Variants in SNX24 observed in about 807,000 individuals in gnomAD.
The protein encoded by SNX24 is sorting nexin 24.
In SNX24, 22 loss-of-function variants were observed where a neutral mutation model predicts 28.7. The observed-to-expected ratio is 0.77, with a 90% CI of 0.55 to 1.10. The LOEUF (loss-of-function observed/expected upper bound fraction) is 1.10. SNX24 is among the 50% of genes least tolerant of loss of function. The probability of loss-of-function intolerance (pLI) is 0.00; values close to 1 mark genes in which losing one functional copy is unlikely to be tolerated. For synonymous variants in SNX24, 69 were observed against 71.5 expected, an observed-to-expected ratio of 0.96 and a Z score of 0.18; for missense variants, 221 against 201.1, an observed-to-expected ratio of 1.10 and a Z score of -0.60.
At chr5:122,978,940 A>G (rs426877) in intron 3 of SNX24, among the ~76,000 whole-genome samples, 33,897 of 152,218 alleles carry the variant, frequency 0.22, 4,825 homozygotes, top group Non-Finnish European at 0.33. Flanking sequence ...TTTGGGAACT[A>G]CTGCCTTGAA....
intron 1 of SNX24, among the ~76,000 whole-genome samples, chr5:122,876,920 T>C (rs1203071024): frequency 6.6e-6 from 1 of 152,120 alleles, no homozygotes; most frequent in Non-Finnish European, 1.5e-5. Flanking sequence ...TCATGGACGA[T>C]AGAAAGGGAG....
intron 1 of SNX24, among the ~76,000 whole-genome samples, chr5:122,889,606 TAC>T (rs1311314686): frequency 1.0e-5 from 1 of 100,070 alleles, no homozygotes; most frequent in Non-Finnish European, 1.9e-5. Context: ...TATATATATA[TAC>T]ACACATATAT....
chr5:122,952,578 A>G (rs1208474183), intron 3 of SNX24, among the ~76,000 whole-genome samples: 2 of 152,364 alleles, frequency 1.3e-5, no homozygotes, highest in South Asian at 2.1e-4. Context: ...TACTTTCTTC[A>G]GTGTGATCTG....
intron 3 of SNX24, among the ~76,000 whole-genome samples, chr5:122,952,439 C>A (rs965899951): frequency 6.6e-6 from 1 of 152,176 alleles, no homozygotes; most frequent in Non-Finnish European, 1.5e-5. Flanking sequence ...CAACCCCCTT[C>A]GCACTCACCC....
chr5:122,883,858 A>C (rs139332932), intron 1 of SNX24, among the ~76,000 whole-genome samples: 1 of 151,624 alleles, frequency 6.6e-6, no homozygotes, highest in African/African-American at 2.4e-5. Context: ...TTCTCAATCT[A>C]TTGCCCAGCT....
At chr5:123,003,082 A>T (rs1185339251) in intron 6 of SNX24, among the ~76,000 whole-genome samples, 1 of 152,168 alleles carries the variant, frequency 6.6e-6, no homozygotes, top group Non-Finnish European at 1.5e-5. Flanking sequence ...AATCCATTGA[A>T]ACCCTCCCTG....
intron 1 of SNX24, among the ~76,000 whole-genome samples, chr5:122,920,261 C>T (rs1246632104): frequency 6.6e-6 from 1 of 152,128 alleles, no homozygotes; most frequent in Non-Finnish European, 1.5e-5. Context: ...TGTTAGAGCT[C>T]TCTGATTTCA....
chr5:122,881,142 G>A (rs535981966), intron 1 of SNX24, among the ~76,000 whole-genome samples: 1 of 152,206 alleles, frequency 6.6e-6, no homozygotes, highest in East Asian at 1.9e-4. Flanking sequence ...AAGACAGCAG[G>A]AGTGTGTGCA....
rs72796901 is a variant in SNX24, at chr5:122,946,302, G to T, written c.249+143G>T. On this transcript the variant is annotated intron_variant, in intron 3 of 6. Transcript: ENST00000261369. Reference sequence around the variant, plus strand: ...AAAGGAAGTCCAAAATTACAGATATGTTGTTGGTTGGTTCTTGTAACTTTA... The same window carrying T: ...AAAGGAAGTCCAAAATTACAGATATTTTGTTGGTTGGTTCTTGTAACTTTA... The T allele has an allele frequency of 8.5e-3, 4,181 of 491,688 alleles. 30 individuals carry two copies. Among genetic ancestry groups the T allele is most frequent in the Non-Finnish European group, 0.012 (3,161 of 274,526 alleles). 30.5% of individuals were successfully genotyped at this position (491,688 alleles called of 1,614,324 possible).
At chr5:123,010,044 G>A (rs539319868), downstream of SNX24, among the ~76,000 whole-genome samples, 12 of 152,194 alleles carry the variant, frequency 7.9e-5, no homozygotes, top group Non-Finnish European at 1.6e-4. Context: ...CCTCATAGCA[G>A]CACCCAGGAA....
chr5:122,926,535 A>G (rs752211168), intron 1 of SNX24, among the ~76,000 whole-genome samples: 7 of 152,342 alleles, frequency 4.6e-5, no homozygotes, highest in African/African-American at 1.7e-4. Flanking sequence ...ATCAATTTCC[A>G]GAAAAGTTTC....
intron 1 of SNX24, among the ~76,000 whole-genome samples, chr5:122,872,567 G>C (rs1328034833): frequency 6.6e-6 from 1 of 152,076 alleles, no homozygotes; most frequent in Non-Finnish European, 1.5e-5. Flanking sequence ...AAATGGCCTA[G>C]TATTTGCATA....
intron 1 of SNX24, among the ~76,000 whole-genome samples, chr5:122,922,462 A>G (rs1232042480): frequency 6.6e-6 from 1 of 152,032 alleles, no homozygotes; most frequent in Non-Finnish European, 1.5e-5. Context: ...CATGTTGGCC[A>G]CGCTGGTCTC....
intron 3 of SNX24, among the ~76,000 whole-genome samples, chr5:122,974,835 C>A (rs887049968): frequency 4.6e-5 from 7 of 152,198 alleles, no homozygotes; most frequent in Non-Finnish European, 1.0e-4. Flanking sequence ...GGCTTCCATT[C>A]GGCCTTCCCA....
chr5:123,027,683 G>T (rs980175657), intron 5 of SNX24, among the ~76,000 whole-genome samples: 11 of 152,224 alleles, frequency 7.2e-5, no homozygotes, highest in Admixed American at 6.5e-4. Context: ...AGCCATTTTT[G>T]GTTATAAACA....
intron 1 of SNX24, among the ~76,000 whole-genome samples, chr5:122,908,717 T>C (rs771823517): frequency 6.6e-6 from 1 of 152,216 alleles, no homozygotes; most frequent in Non-Finnish European, 1.5e-5. Flanking sequence ...CTTAAAGACA[T>C]TTATTATAAC....
intron 3 of SNX24, among the ~76,000 whole-genome samples, chr5:122,968,131 A>G (rs996767515): frequency 6.6e-6 from 1 of 152,226 alleles, no homozygotes; most frequent in Non-Finnish European, 1.5e-5. Flanking sequence ...AGGCAGGCAG[A>G]TCACCTGAGG....
At position 122,846,249 on chromosome 5, in the gene SNX24, G is replaced by GTA. The variant is rs1207943709; in HGVS notation, c.60+557_60+558insAT. Among the ~76,000 whole-genome samples, 9 of 152,220 alleles carry GTA rather than the reference G, an allele frequency of 5.9e-5. No homozygotes were observed. In the East Asian group the frequency reaches 1.7e-3, roughly 29 times the overall value. On this transcript the variant is annotated intron_variant, in intron 1 of 6. Coordinates refer to ENST00000261369, the MANE Select transcript of SNX24 (RefSeq NM_014035.4). ...TGGCAAAATTACTTGCTGAGCACCTGTTTCATACCTAGGACTGTGGTCACC... is the reference window on the plus strand; with the variant it reads ...TGGCAAAATTACTTGCTGAGCACCTGTATTTCATACCTAGGACTGTGGTCACC...
intron 3 of SNX24, among the ~76,000 whole-genome samples, chr5:122,971,252 A>G (rs1326637127): frequency 6.6e-6 from 1 of 152,218 alleles, no homozygotes; most frequent in African/African-American, 2.4e-5. Context: ...AGACTCAGCA[A>G]GTCACCTTCT....
Sources: gnomAD v4.1 joint callset for allele counts (sites outside exome capture counted in the v4.1 genomes callset) on GRCh38, gnomAD v4.1.1 for gene constraint, MANE v1.5 for transcripts, NCBI Gene and HGNC (gene_info 2026-07-23, HGNC 2026-07-21) for gene names.